CHN2: variants seen among roughly 807,000 people sequenced by gnomAD.
The protein encoded by CHN2 is beta-chimaerin.
A neutral mutation model predicts 56.3 loss-of-function variants in CHN2; 35 were observed. The observed-to-expected ratio is 0.62, with a 90% confidence interval of 0.47 to 0.82. The LOEUF (loss-of-function observed/expected upper bound fraction) is 0.82, where lower values mean the gene tolerates loss of function less well. Ranked by LOEUF, CHN2 falls within the 40% of genes least tolerant of loss-of-function variation. CHN2 has a pLI of 0.00. For missense variants in CHN2, 491 were observed against 580.5 expected, an observed-to-expected ratio of 0.85 and a Z score of 1.58; for synonymous variants, 210 against 212.8, an observed-to-expected ratio of 0.99 and a Z score of 0.12.
chr7:29,485,587 T>C (rs1353836898), intron 7 of CHN2, among the ~76,000 whole-genome samples: 1 of 152,144 alleles, frequency 6.6e-6, no homozygotes, highest in East Asian at 1.9e-4. Context: ...AGTAGATAAA[T>C]AGATCAAGGA....
intron 1 of CHN2, among the ~76,000 whole-genome samples, chr7:29,305,363 C>G (rs1022760681): frequency 6.6e-6 from 1 of 152,116 alleles, no homozygotes; most frequent in African/African-American, 2.4e-5. Context: ...GAAAACATCC[C>G]TTTACCTGCT....
At chr7:29,460,150 T>G (rs375128309) in intron 6 of CHN2, among the ~76,000 whole-genome samples, 1 of 152,216 alleles carries the variant, frequency 6.6e-6, no homozygotes, top group Non-Finnish European at 1.5e-5. Context: ...CCAAGTAGAC[T>G]TCTGGATTTT....
At chr7:29,293,361 TGC>T (rs767934810) in intron 1 of CHN2, among the ~76,000 whole-genome samples, 1 of 49,860 alleles carries the variant, frequency 2.0e-5, no homozygotes, top group Non-Finnish European at 3.5e-5. Flanking sequence ...GGGCAGCTAA[TGC>T]CCCCCCCCCC....
At chr7:29,434,884 G>A (rs1562604294) in intron 6 of CHN2, among the ~76,000 whole-genome samples, 1 of 152,172 alleles carries the variant, frequency 6.6e-6, no homozygotes, top group African/African-American at 2.4e-5. Flanking sequence ...TTGAGGACAG[G>A]AGTTTGAGAC....
chr7:29,452,709 T>G (rs1784488141), intron 6 of CHN2, among the ~76,000 whole-genome samples: 1 of 152,374 alleles, frequency 6.6e-6, no homozygotes, highest in South Asian at 2.1e-4. Flanking sequence ...TGGTGCATGC[T>G]CTACTGTGTA....
At chr7:29,382,910 A>G (rs957621691) in intron 3 of CHN2, among the ~76,000 whole-genome samples, 2 of 152,214 alleles carry the variant, frequency 1.3e-5, no homozygotes, top group African/African-American at 4.8e-5. Flanking sequence ...TTCAGAAACT[A>G]CAGAAGCTAT....
At chr7:29,324,666 T>C (rs1795664219) in intron 1 of CHN2, among the ~76,000 whole-genome samples, 1 of 152,112 alleles carries the variant, frequency 6.6e-6, no homozygotes, top group African/African-American at 2.4e-5. Flanking sequence ...GAAAATTTTA[T>C]TGAATTTGGT....
chr7:29,409,640 G>A (rs987984097), intron 6 of CHN2, among the ~76,000 whole-genome samples: 2 of 152,176 alleles, frequency 1.3e-5, no homozygotes, highest in Non-Finnish European at 2.9e-5. Flanking sequence ...GCCTTTTCAG[G>A]TAAATGTGGG....
In CHN2 at chr7:29,367,997, C is replaced by T. The variant is rs761702605; in HGVS notation, c.144+10C>T. ...CATTTGTCCTCGGGAGGTCAGTGCT[C>T]AGCTATTTCCAATACACCTTGTTAA... On this transcript the variant is annotated intron_variant, in intron 3 of 12. Coordinates refer to ENST00000222792, the MANE Select transcript of CHN2 (RefSeq NM_004067.4). 1.2e-6 allele frequency: 2 copies of T among 1,606,136 alleles called. No homozygotes were observed. Among genetic ancestry groups the T allele is most frequent in the African/African-American group, 1.3e-5 (1 of 74,608 alleles).
At chr7:29,366,982 G>C (rs1216703833) in intron 2 of CHN2, among the ~76,000 whole-genome samples, 1 of 152,022 alleles carries the variant, frequency 6.6e-6, no homozygotes, top group Non-Finnish European at 1.5e-5. Context: ...TTTCTAGAAA[G>C]ACTTTATCAG....
intron 6 of CHN2, among the ~76,000 whole-genome samples, chr7:29,471,979 A>G (rs1194121838): frequency 1.3e-5 from 2 of 152,186 alleles, no homozygotes; most frequent in Non-Finnish European, 2.9e-5. Flanking sequence ...TAAACAAAGA[A>G]TATAACAAAC....
At chr7:29,302,205 A>G (rs757504465) in intron 1 of CHN2, among the ~76,000 whole-genome samples, 2 of 152,230 alleles carry the variant, frequency 1.3e-5, no homozygotes, top group Non-Finnish European at 2.9e-5. Flanking sequence ...AAATGTTATC[A>G]TTTTAGCTGC....
At chr7:29,351,000 C>T (rs538433726) in intron 1 of CHN2, among the ~76,000 whole-genome samples, 6 of 150,544 alleles carry the variant, frequency 4.0e-5, no homozygotes, top group Admixed American at 6.7e-5. Flanking sequence ...CCCAGCTGCT[C>T]GAGAGACTGA....
At chr7:29,345,331 A>G (rs570111389) in intron 1 of CHN2, among the ~76,000 whole-genome samples, 4 of 152,354 alleles carry the variant, frequency 2.6e-5, no homozygotes, top group Admixed American at 1.3e-4. Flanking sequence ...AAAGAAATAT[A>G]TAACCACACA....
At chr7:29,204,719 G>A (rs867217852) in intron 1 of CHN2, among the ~76,000 whole-genome samples, 1 of 152,142 alleles carries the variant, frequency 6.6e-6, no homozygotes. Flanking sequence ...TGTTCTCTGT[G>A]ATGTTAATAT....
intron 1 of CHN2, among the ~76,000 whole-genome samples, chr7:29,268,236 A>G (rs1277994894): frequency 1.3e-5 from 2 of 149,290 alleles, no homozygotes; most frequent in African/African-American, 5.0e-5. Flanking sequence ...TTTATCAGCC[A>G]TTTCTAATGG....
At chr7:29,383,260 T>G (rs1800663163) in intron 3 of CHN2, among the ~76,000 whole-genome samples, 1 of 152,054 alleles carries the variant, frequency 6.6e-6, no homozygotes, top group South Asian at 2.1e-4. Flanking sequence ...ATGTGTGTGT[T>G]GCAGGTGGTG....
intron 1 of CHN2, among the ~76,000 whole-genome samples, chr7:29,215,442 TA>T (rs1785264330): frequency 6.6e-6 from 1 of 152,154 alleles, no homozygotes; most frequent in Non-Finnish European, 1.5e-5. Flanking sequence ...AGGTCCCAAT[TA>T]AGGGTCTTAT....
chr7:29,197,332 CTT>C (rs1297538242), intron 1 of CHN2, among the ~76,000 whole-genome samples: 2 of 152,176 alleles, frequency 1.3e-5, no homozygotes, highest in Non-Finnish European at 2.9e-5. Context: ...GGAGTATTGT[CTT>C]TTAATTCTGG....
Sources: gnomAD v4.1 joint callset for allele counts (sites outside exome capture counted in the v4.1 genomes callset) on GRCh38, gnomAD v4.1.1 for gene constraint, MANE v1.5 for transcripts, NCBI Gene and HGNC (gene_info 2026-07-23, HGNC 2026-07-21) for gene names.